SH3TC2: variants seen among roughly 807,000 people sequenced by gnomAD.
SH3TC2 encodes SH3 domain and tetratricopeptide repeat-containing protein 2.
In SH3TC2, 87 loss-of-function variants were observed where a neutral mutation model predicts 124.5. The ratio of observed to expected loss-of-function variants is 0.70; its 90% confidence interval spans 0.59 to 0.84. SH3TC2 has a LOEUF of 0.84. Among genes scored for constraint, SH3TC2 ranks in the 40% least tolerant of loss-of-function variants. The pLI is 0.00. For missense variants in SH3TC2, 1,536 were observed against 1,566.4 expected (o/e 0.98, Z 0.33); for synonymous variants, 634 against 628.5 (o/e 1.01, Z -0.13).
In SH3TC2 at chr5:149,004,992, TTTTG is replaced by T. The variant is rs71274358; in HGVS notation, c.3676-94_3676-91del. On this transcript the variant is annotated intron_variant, in intron 16 of 16. Coordinates refer to ENST00000515425, the MANE Select transcript of SH3TC2 (RefSeq NM_024577.4). ...AGGCTGTGCTGGCCACTCTAGTTTT[TTTTG>T]TTTGTTTGTTTGTTTGTTTGTTTGC... The T allele has an allele frequency of 5.8e-4, 815 of 1,402,612 alleles. 1 individual carries two copies. The highest frequency in any genetic ancestry group is 2.0e-3 in the South Asian group (161 of 82,428). The allele number at this position is 1,402,612 out of a possible 1,614,324, so 86.9% of individuals were successfully genotyped here. A position where few individuals can be genotyped will look rare whatever the true frequency, so the allele number is the denominator to read the frequency against.
In SH3TC2 at chr5:148,995,350, G is replaced by A. The variant is rs573872364; in HGVS notation, c.*9361C>T. ...GGAGATAAGGTCACCTTCTTTGGAG[G>A]ATCATTTGGAGGATCAAATCCTATA... On this transcript the variant is annotated 3_prime_UTR_variant, in exon 17 of 17. Coordinates refer to ENST00000515425, the MANE Select transcript of SH3TC2 (RefSeq NM_024577.4). Among the ~76,000 whole-genome samples the A allele has an allele frequency of 1.0e-3, 158 of 152,222 alleles. No individual in the cohort carries two copies. Among genetic ancestry groups the A allele is most frequent in the Middle Eastern group, 0.01 (3 of 292 alleles).
rs71274358 is a variant in SH3TC2 at position 149,004,992 on chromosome 5, T to TTTTG, written c.3676-94_3676-91dup. 18,046 of 1,407,192 alleles carry TTTTG rather than the reference T, an allele frequency of 0.013. 229 individuals carry two copies. The highest frequency in any genetic ancestry group is 0.039 in the African/African-American group (2,688 of 69,004). The allele number at this position is 1,407,192 out of a possible 1,614,324, so 87.2% of individuals were successfully genotyped here. On this transcript the variant is annotated intron_variant, in intron 16 of 16. Coordinates refer to ENST00000515425, the MANE Select transcript of SH3TC2 (RefSeq NM_024577.4). ...AGGCTGTGCTGGCCACTCTAGTTTTTTTTGTTTGTTTGTTTGTTTGTTTGT... is the reference window on the plus strand; with the variant it reads ...AGGCTGTGCTGGCCACTCTAGTTTTTTTTGTTTGTTTGTTTGTTTGTTTGTTTGT...
chr5:149,012,841 A>G (rs1405500486), intron 12 of SH3TC2, 107 bp from the exon 13 acceptor site: 46 of 1,268,400 alleles, frequency 3.6e-5, no homozygotes, highest in Non-Finnish European at 5.1e-5. Context: ...CATGTCCCAC[A>G]TCACACAGGG....
Position 149,012,641 on chromosome 5 carries a change from C to A in SH3TC2, c.3147G>T (p.Gly1049=). 6.2e-7 allele frequency: 1 copy of A among 1,614,176 alleles called. No individual in the cohort carries two copies. Among genetic ancestry groups the A allele is most frequent in the Non-Finnish European group, 8.5e-7 (1 of 1,180,026 alleles). The change falls in exon 13 of 17, where the codon GGG becomes GGT. Residue 1049 remains glycine (G), a synonymous_variant. Transcript: ENST00000515425. ...ETDKAAEAWL[G]AGRLHYLMQE... ...GCATGAGGTAGTGGAGTCGCCCCGC[C>A]CCAAGCCAGGCCTCAGCAGCCTTGT...
At chr5:149,045,443 T>G (rs1475217360) in intron 3 of SH3TC2, 1 of 152,284 alleles carries the variant, frequency 6.6e-6, no homozygotes, top group East Asian at 1.9e-4. Context: ...GATAAACATC[T>G]TTATAGCTAA....
In SH3TC2 at chr5:149,027,420, C is replaced by A. The variant is rs760019682; in HGVS notation, c.2312G>T (p.Arg771Met). The A allele has an allele frequency of 6.2e-7, 1 of 1,614,158 alleles. No homozygotes were observed. Among genetic ancestry groups the A allele is most frequent in the Non-Finnish European group, 8.5e-7 (1 of 1,180,052 alleles). The part of the protein sequence containing the change: ...LILSKVYLEH[R>M]SPDGAIHYLS... ...GTAGTGGATGGCACCGTCAGGAGACCTGTGCTCGAGGTACACTTTGGAAAG... is the reference window on the plus strand; with the variant it reads ...GTAGTGGATGGCACCGTCAGGAGACATGTGCTCGAGGTACACTTTGGAAAG... The change falls in exon 11 of 17, where the codon AGG becomes ATG. Residue 771 changes from arginine to methionine, a missense_variant. Arg to Met is a moderately conservative substitution (Grantham distance 91). Around this residue, in one of 3 missense-constraint regions of SH3TC2, gnomAD observed 1,102 missense variants for 1,098.6 expected, o/e 1.00. Transcript: ENST00000515425.
Position 149,031,628 on chromosome 5 carries a change from C to T in SH3TC2, c.1061G>A (p.Ser354Asn). ...GCTGGAACACTCAGTCTGCTTATCA[C>T]TTCCCAGGGCCAACAGGGAGCATCT... Reference protein sequence around the residue: ...EERCSLLALGSDKQTECSSFL... With the variant: ...EERCSLLALGNDKQTECSSFL... The change falls in exon 9 of 17, where the codon AGT (serine) becomes AAT (asparagine). Residue 354 changes from serine (S) to asparagine (N), a missense_variant. Transcript: ENST00000515425. 1 of 1,614,144 alleles carries T rather than the reference C, an allele frequency of 6.2e-7. No individual in the cohort carries two copies. Among genetic ancestry groups the T allele is most frequent in the East Asian group, 2.2e-5 (1 of 44,864 alleles).
intron 8 of SH3TC2, among the ~76,000 whole-genome samples, chr5:149,033,278 C>T (rs781322114): frequency 1.3e-4 from 20 of 152,086 alleles, no homozygotes; most frequent in Non-Finnish European, 2.6e-4. Context: ...TGACAAATTG[C>T]ATTAGATATT....
intron 1 of SH3TC2, among the ~76,000 whole-genome samples, chr5:149,054,384 G>C (rs559351844): frequency 2.0e-5 from 3 of 152,130 alleles, no homozygotes; most frequent in African/African-American, 7.2e-5. Context: ...ATCACCTATG[G>C]ATATTGATAA....
Position 149,027,414 on chromosome 5 carries a change from GGA to G in SH3TC2, c.2316_2317del (p.Pro773Ter). ...GCTCAGGTAGTGGATGGCACCGTCA[GGA>G]GACCTGTGCTCGAGGTACACTTTGG... On this transcript the variant is annotated frameshift_variant, in exon 11 of 17. Coordinates refer to ENST00000515425, the MANE Select transcript of SH3TC2 (RefSeq NM_024577.4). LOFTEE classifies it high-confidence loss of function. 1 of 1,614,142 alleles carries G rather than the reference GGA, an allele frequency of 6.2e-7. No individual in the cohort carries two copies. The highest frequency in any genetic ancestry group is 8.5e-7 in the Non-Finnish European group (1 of 1,180,048).
Position 149,026,564 on chromosome 5 carries a change from T to C in SH3TC2, c.3053+8A>G. ...CTGCTTCTAGGACAGTTCCTGACCC[T>C]GACTCACCTGGCGGTATTTAGGTTC... is the stretch of plus-strand genomic sequence containing the variant. On this transcript the variant is annotated splice_region_variant and intron_variant, in intron 12 of 16. Transcript: ENST00000515425. The C allele has an allele frequency of 6.2e-7, 1 of 1,613,668 alleles. No individual in the cohort carries two copies. Among genetic ancestry groups the C allele is most frequent in the Non-Finnish European group, 8.5e-7 (1 of 1,180,006 alleles).
At position 149,028,112 on chromosome 5, in the gene SH3TC2, C is replaced by G; in HGVS notation, c.1620G>C (p.Arg540Ser). ...CCCTGGCCTGAGAGAGTTTGACCTT[C>G]CTGATGCTCAGCCGGCCCAGGAGGA... ...LCFLLGRLSIRKVKLSQARVY... is the reference protein window; with the variant it reads ...LCFLLGRLSISKVKLSQARVY... Residue 540 changes from arginine to serine, a missense_variant, in exon 11 of 17, where the codon AGG becomes AGC. Arg to Ser is a moderately radical substitution (Grantham distance 110). Transcript: ENST00000515425. The G allele has an allele frequency of 6.2e-7, 1 of 1,614,132 alleles. No homozygotes were observed. The highest frequency in any genetic ancestry group is 8.5e-7 in the Non-Finnish European group (1 of 1,180,028).
At chr5:149,025,710 C>G (rs1192289655) in intron 12 of SH3TC2, 1 of 152,198 alleles carries the variant, frequency 6.6e-6, no homozygotes, top group African/African-American at 2.4e-5. Flanking sequence ...AGAAAACCAA[C>G]AGAAGATGGC....
rs1479737926 is a variant in SH3TC2 at position 149,003,957 on chromosome 5, G to A, written c.*754C>T. 1 of 275,176 alleles carries A rather than the reference G, an allele frequency of 3.6e-6. No homozygotes were observed. The highest frequency in any genetic ancestry group is 4.4e-5 in the Admixed American group (1 of 22,610). The allele number at this position is 275,176 out of a possible 1,614,324, so 17.0% of individuals were successfully genotyped here. On this transcript the variant is annotated 3_prime_UTR_variant, in exon 17 of 17. Transcript: ENST00000515425. ...GATGAGACAAAATGTGTGTGTAAAT[G>A]TAACTGGACAATATTTAATCATATA... is the stretch of plus-strand genomic sequence containing the variant.
At position 149,027,372 on chromosome 5, in the gene SH3TC2, C is replaced by T; in HGVS notation, c.2360G>A (p.Gly787Glu). ...IHYLSQALVL[G>E]QLLGEQESFE... ...GGATTCCTGCTCACCCAGCAGCTGC[C>T]CTAGCACCAAGGCCTGGCTCAGGTA... is the stretch of plus-strand genomic sequence containing the variant. The change falls in exon 11 of 17, where the codon GGG becomes GAG. Residue 787 changes from glycine to glutamate, a missense_variant. Gly to Glu is a moderately conservative substitution (Grantham distance 98, BLOSUM62 -2). Transcript: ENST00000515425. The T allele has an allele frequency of 6.2e-7, 1 of 1,614,096 alleles. No individual in the cohort carries two copies. The highest frequency in any genetic ancestry group is 1.1e-5 in the South Asian group (1 of 91,086).
intron 5 of SH3TC2, 149 bp from the exon 6 acceptor site, chr5:149,041,766 G>A: frequency 1.2e-6 from 1 of 854,520 alleles, no homozygotes; most frequent in South Asian, 1.5e-5. Context: ...ACTAAAAGAG[G>A]CCTTATGATC....
At chr5:149,011,962 A>AG (rs1753790002) in intron 13 of SH3TC2, among the ~76,000 whole-genome samples, 2 of 152,280 alleles carry the variant, frequency 1.3e-5, no homozygotes, top group East Asian at 3.9e-4. Context: ...GAGATATATA[A>AG]TTTTTGTTTT....
chr5:149,040,297 T>A (rs1337332109), intron 7 of SH3TC2, among the ~76,000 whole-genome samples: 1 of 152,144 alleles, frequency 6.6e-6, no homozygotes, highest in African/African-American at 2.4e-5. Flanking sequence ...TGGCCCTGTT[T>A]TTTCACTCAT....
chr5:149,048,914 C>T (rs2127402573), intron 2 of SH3TC2, among the ~76,000 whole-genome samples: 1 of 152,322 alleles, frequency 6.6e-6, no homozygotes, highest in South Asian at 2.1e-4. Flanking sequence ...AGTAGCAATC[C>T]TGTTAATAAT....
Sources: gnomAD v4.1 joint callset for allele counts (sites outside exome capture counted in the v4.1 genomes callset) on GRCh38, gnomAD v4.1.1 for gene constraint, gnomAD v4.1.1 regional missense constraint, MANE v1.5 for transcripts, NCBI Gene and HGNC (gene_info 2026-07-23, HGNC 2026-07-21) for gene names.